The following MMS22L variants were observed in gnomAD, a reference collection of about 807,000 sequenced individuals.
The protein encoded by MMS22L is MMS22 like, DNA repair protein.
A neutral mutation model predicts 159.1 loss-of-function variants in MMS22L; 74 were observed. That is an observed-to-expected ratio of 0.47 (90% CI 0.39 to 0.56). The LOEUF (loss-of-function observed/expected upper bound fraction) is 0.56, where lower values mean the gene tolerates loss of function less well. Ranked by LOEUF, MMS22L falls within the 20% of genes least tolerant of loss-of-function variation. The probability of loss-of-function intolerance (pLI) is 0.00; values close to 1 mark genes in which losing one functional copy is unlikely to be tolerated. For missense variants in MMS22L, 1,351 were observed against 1,422.1 expected, an observed-to-expected ratio of 0.95 and a Z score of 0.80; for synonymous variants, 517 against 506.9, an observed-to-expected ratio of 1.02 and a Z score of -0.27.
At chr6:97,215,362 A>G (rs1223652402) in intron 14 of MMS22L, among the ~76,000 whole-genome samples, 3 of 152,196 alleles carry the variant, frequency 2.0e-5, no homozygotes, top group Non-Finnish European at 2.9e-5. Context: ...GCCAAAGCTG[A>G]TAAGTACCAT....
At chr6:97,262,286 T>C (rs1814559077) in intron 9 of MMS22L, among the ~76,000 whole-genome samples, 1 of 152,146 alleles carries the variant, frequency 6.6e-6, no homozygotes, top group South Asian at 2.1e-4. Context: ...ATTTATTTGA[T>C]GCTAAAATAA....
At chr6:97,272,669 C>T (rs766805531) in intron 6 of MMS22L, 35 bp downstream of exon 6, 3 of 1,559,856 alleles carry the variant, frequency 1.9e-6, no homozygotes, top group African/African-American at 1.4e-5. Context: ...GGAGAAAAAG[C>T]TGATAATTTA....
At chr6:97,211,544 A>C (rs1237029583) in intron 14 of MMS22L, among the ~76,000 whole-genome samples, 1 of 152,106 alleles carries the variant, frequency 6.6e-6, no homozygotes, top group African/African-American at 2.4e-5. Flanking sequence ...AAAAAAAGGA[A>C]GTTGCACAGC....
chr6:97,163,165 C>T (rs530505744), intron 21 of MMS22L, among the ~76,000 whole-genome samples: 6 of 151,802 alleles, frequency 4.0e-5, no homozygotes, highest in Non-Finnish European at 7.4e-5. Context: ...ATATATTGGG[C>T]GCCAGTGGAA....
At chr6:97,198,061 C>T (rs949621470) in intron 14 of MMS22L, among the ~76,000 whole-genome samples, 3 of 152,120 alleles carry the variant, frequency 2.0e-5, no homozygotes, top group Non-Finnish European at 2.9e-5. Context: ...GCAGACATGA[C>T]ATTATGTGGC....
At chr6:97,148,341 TATAAAA>T (rs1465683537) in intron 24 of MMS22L, among the ~76,000 whole-genome samples, 1 of 152,172 alleles carries the variant, frequency 6.6e-6, no homozygotes, top group African/African-American at 2.4e-5. Context: ...TCTTTATACT[TATAAAA>T]ATAAAAGTTA....
upstream of MMS22L, among the ~76,000 whole-genome samples, chr6:97,283,770 A>G (rs1424404552): frequency 6.6e-6 from 1 of 152,206 alleles, no homozygotes; most frequent in Non-Finnish European, 1.5e-5. Context: ...TGCACATGAA[A>G]CATTCACTAA....
intron 16 of MMS22L, among the ~76,000 whole-genome samples, chr6:97,180,603 CCTTAT>C (rs1804611534): frequency 6.6e-6 from 1 of 152,160 alleles, no homozygotes; most frequent in African/African-American, 2.4e-5. Flanking sequence ...TTATTTATTA[CCTTAT>C]AACTTTCCCA....
In MMS22L at chr6:97,246,641, G is replaced by A. The variant is rs1436860205; in HGVS notation, c.1169C>T (p.Ser390Phe). The A allele has an allele frequency of 7.4e-6, 12 of 1,610,818 alleles. No individual in the cohort carries two copies. In the South Asian group the frequency reaches 1.3e-4, roughly 18 times the overall value. ...WNFVEELLKKSISVQGVILEE... is the reference protein window; with the variant it reads ...WNFVEELLKKFISVQGVILEE... ...TTAATTGCATACCTGAACACTGATG[G>A]ACTTTTTCAGCAGTTCTTCTACAAA... Residue 390 changes from serine (S) to phenylalanine (F), a missense_variant, in exon 11 of 25, where the codon TCC becomes TTC. Coordinates refer to ENST00000683635, the MANE Select transcript of MMS22L (RefSeq NM_001350599.2).
chr6:97,185,298 C>T (rs981413922), intron 15 of MMS22L, among the ~76,000 whole-genome samples: 1 of 152,124 alleles, frequency 6.6e-6, no homozygotes, highest in Non-Finnish European at 1.5e-5. Context: ...AGTATCTCTC[C>T]AATGCCTATT....
chr6:97,245,212 A>T (rs1290472037), intron 11 of MMS22L, among the ~76,000 whole-genome samples: 1 of 152,302 alleles, frequency 6.6e-6, no homozygotes, highest in South Asian at 2.1e-4. Flanking sequence ...CCATAAATTC[A>T]TACACTGTTA....
At position 97,149,940 on chromosome 6, in the gene MMS22L, T is replaced by G. The variant is rs1230479182; in HGVS notation, c.3563A>C (p.Gln1188Pro). The change falls in exon 24 of 25, where the codon CAG (glutamine) becomes CCG (proline). Residue 1188 changes from glutamine to proline, a missense_variant. Coordinates refer to ENST00000683635, the MANE Select transcript of MMS22L (RefSeq NM_001350599.2). ...GGTAGAAATCAAGTGGATGACAACC[T>G]GCTGGTCCAATGTTGCTACTGTTTC... ...ILETVATLDQQVVIHLISTLT... is the reference protein window; with the variant it reads ...ILETVATLDQPVVIHLISTLT... 1.2e-5 allele frequency: 20 copies of G among 1,613,596 alleles called. No individual in the cohort carries two copies. Among genetic ancestry groups the G allele is most frequent in the Non-Finnish European group, 1.6e-5 (19 of 1,179,772 alleles).
At chr6:97,275,665 C>A (rs1395680032) in intron 4 of MMS22L, among the ~76,000 whole-genome samples, 3 of 151,998 alleles carry the variant, frequency 2.0e-5, no homozygotes, top group Non-Finnish European at 2.9e-5. Flanking sequence ...AGAAAAAAAA[C>A]ACACACACAA....
chr6:97,146,192 A>G lies in MMS22L; in HGVS notation c.*614T>C, dbSNP rs1264852489. The G allele has an allele frequency of 1.3e-5, 2 of 151,878 alleles. No individual in the cohort carries two copies. The highest frequency in any genetic ancestry group is 1.3e-4 in the Admixed American group (2 of 15,232). 9.4% of individuals were successfully genotyped at this position (151,878 alleles called of 1,614,324 possible). A position where few individuals can be genotyped will look rare whatever the true frequency, so the allele number is the denominator to read the frequency against. ...ATATAAACCCTGTTGGCATGTTTAC[A>G]CTTCTTTTTGGATATCAGCTGTATA... On this transcript the variant is annotated 3_prime_UTR_variant, in exon 25 of 25. Coordinates refer to ENST00000683635, the MANE Select transcript of MMS22L (RefSeq NM_001350599.2).
At position 97,233,864 on chromosome 6, in the gene MMS22L, G is replaced by A. The variant is rs878864136; in HGVS notation, c.1299C>T (p.Asn433=). 1 of 1,600,382 alleles carries A rather than the reference G, an allele frequency of 6.2e-7. No individual in the cohort carries two copies. The highest frequency in any genetic ancestry group is 8.5e-7 in the Non-Finnish European group (1 of 1,174,632). Residue 433 remains asparagine, a synonymous_variant, in exon 12 of 25, where the codon AAC becomes AAT. Transcript: ENST00000683635. ...VTILWEYYSK[N]LNSSFSISWL... Reference sequence around the variant, plus strand: ...AATTCCTATTCTATTCACTCACCAGGTTCTTACTATAATATTCCCATAAAA... The same window carrying A: ...AATTCCTATTCTATTCACTCACCAGATTCTTACTATAATATTCCCATAAAA...
intron 10 of MMS22L, chr6:97,254,319 T>TC (rs1813549662): frequency 2.5e-6 from 1 of 396,664 alleles, no homozygotes; most frequent in African/African-American, 2.1e-5. Flanking sequence ...ACACAATTGT[T>TC]CAGTAGCAGG....
chr6:97,275,355 T>C (rs1244277523), intron 4 of MMS22L, among the ~76,000 whole-genome samples: 1 of 151,810 alleles, frequency 6.6e-6, no homozygotes, highest in Non-Finnish European at 1.5e-5. Flanking sequence ...GATGAAACCC[T>C]GTCTCTACTA....
intron 14 of MMS22L, among the ~76,000 whole-genome samples, chr6:97,214,841 A>G (rs972550897): frequency 6.6e-6 from 1 of 151,138 alleles, no homozygotes; most frequent in Non-Finnish European, 1.5e-5. Context: ...CTGTGCTAAC[A>G]CTGTGGTTTC....
intron 4 of MMS22L, 99 bp from the exon 5 acceptor site, chr6:97,273,161 G>T: frequency 1.1e-6 from 1 of 904,908 alleles, no homozygotes; most frequent in Non-Finnish European, 1.7e-6. Context: ...TCTCTATCTT[G>T]TAACATTTTA....
Sources: allele counts gnomAD v4.1 joint callset (sites outside exome capture counted in the v4.1 genomes callset), GRCh38; gene constraint gnomAD v4.1.1; transcripts MANE v1.5; gene names NCBI Gene and HGNC (gene_info 2026-07-23, HGNC 2026-07-21).